COG5: variants seen among roughly 807,000 people sequenced by gnomAD.
COG5 encodes the protein component of oligomeric golgi complex 5, also known as conserved oligomeric Golgi complex subunit 5.
Under a neutral mutation model 110.4 loss-of-function variants are expected in COG5, and 86 were observed. The ratio of observed to expected loss-of-function variants is 0.78; its 90% CI spans 0.65 to 0.93. The LOEUF (loss-of-function observed/expected upper bound fraction) is 0.93, where lower values mean the gene tolerates loss of function less well. Among genes scored for constraint, COG5 ranks in the 40% least tolerant of loss-of-function variants. The probability of loss-of-function intolerance (pLI) is 0.00; values close to 1 mark genes in which losing one functional copy is unlikely to be tolerated. For missense variants in COG5, 1,077 were observed against 987.0 expected (o/e 1.09, Z -1.22); for synonymous variants, 360 against 334.6 (o/e 1.08, Z -0.83).
chr7:107,209,815 A>T (rs1799033607), intron 21 of COG5: 5 of 985,176 alleles, frequency 5.1e-6, no homozygotes, highest in Non-Finnish European at 4.8e-6. Flanking sequence ...CCAGTTTATG[A>T]GTTTACAGAA....
At chr7:107,246,386 C>A (rs1318087882) in intron 17 of COG5, among the ~76,000 whole-genome samples, 1 of 152,158 alleles carries the variant, frequency 6.6e-6, no homozygotes, top group African/African-American at 2.4e-5. Flanking sequence ...AACCTAAGAG[C>A]TTCTGCACAG....
chr7:107,449,144 G>A (rs1223476803), intron 6 of COG5, among the ~76,000 whole-genome samples: 2 of 152,008 alleles, frequency 1.3e-5, no homozygotes, highest in African/African-American at 4.8e-5. Context: ...ATGGACACAG[G>A]GAGGGGAACA....
chr7:107,308,754 G>C (rs56861253), intron 11 of COG5, among the ~76,000 whole-genome samples: 3,533 of 152,166 alleles, frequency 0.023, 75 homozygotes, highest in African/African-American at 0.048. Flanking sequence ...AATAAAAAAA[G>C]TATTTCTTTA....
At chr7:107,233,211 G>C (rs182313995) in intron 18 of COG5, among the ~76,000 whole-genome samples, 147 of 152,268 alleles carry the variant, frequency 9.7e-4, no homozygotes, top group African/African-American at 3.2e-3. Flanking sequence ...AGGGGTGGAG[G>C]GGGAGTATGT....
intron 13 of COG5, 75 bp from the exon 14 acceptor site, chr7:107,281,474 C>T: frequency 9.4e-7 from 1 of 1,065,524 alleles, no homozygotes; most frequent in Non-Finnish European, 1.5e-6. Context: ...GATAAAAACT[C>T]AAACCCAATA....
At chr7:107,309,651 G>C (rs1808041886) in intron 11 of COG5, among the ~76,000 whole-genome samples, 1 of 152,142 alleles carries the variant, frequency 6.6e-6, no homozygotes, top group Admixed American at 6.5e-5. Context: ...GAGTTTAAAA[G>C]TAAAGGCATC....
intron 3 of COG5, chr7:107,549,094 GTTCAGTTCAATAGAA>G (rs1188978521): frequency 3.3e-4 from 50 of 152,306 alleles, no homozygotes; most frequent in Non-Finnish European, 3.4e-4. Context: ...CAATAACAGA[GTTCAGTTCAATAGAA>G]TCCTCTCTGA....
intron 5 of COG5, among the ~76,000 whole-genome samples, chr7:107,536,771 T>C (rs1801614726): frequency 6.6e-6 from 1 of 152,150 alleles, no homozygotes; most frequent in African/African-American, 2.4e-5. Flanking sequence ...ACTTTAAATT[T>C]CATATGGAAC....
chr7:107,372,518 T>G, intron 8 of COG5, 77 bp downstream of exon 8: 1 of 1,367,916 alleles, frequency 7.3e-7, no homozygotes, highest in South Asian at 1.2e-5. Flanking sequence ...CTTTGAAACA[T>G]GAGTGTTTCA....
chr7:107,314,267 T>C (rs1808531580), intron 11 of COG5, among the ~76,000 whole-genome samples: 2 of 152,132 alleles, frequency 1.3e-5, no homozygotes, highest in South Asian at 2.1e-4. Context: ...TGGTAGAAAC[T>C]AGAAGGGGAC....
At chr7:107,268,046 G>C (rs891604286) in intron 14 of COG5, among the ~76,000 whole-genome samples, 1 of 152,080 alleles carries the variant, frequency 6.6e-6, no homozygotes, top group African/African-American at 2.4e-5. Flanking sequence ...TCGGCTCACC[G>C]CAACCTCTGC....
At chr7:107,351,789 A>G (rs1350277923) in intron 10 of COG5, among the ~76,000 whole-genome samples, 1 of 150,306 alleles carries the variant, frequency 6.7e-6, no homozygotes, top group Non-Finnish European at 1.5e-5. Context: ...TAGAATGGCG[A>G]TCATTAAAAA....
chr7:107,545,083 G>A (rs1299247902), intron 5 of COG5, among the ~76,000 whole-genome samples: 4 of 152,136 alleles, frequency 2.6e-5, no homozygotes, highest in African/African-American at 9.7e-5. Flanking sequence ...AAATGATCCA[G>A]TCAGAGGAAC....
At chr7:107,457,348 TAAAG>T (rs1795725401) in intron 6 of COG5, among the ~76,000 whole-genome samples, 1 of 117,630 alleles carries the variant, frequency 8.5e-6, no homozygotes, top group Non-Finnish European at 1.8e-5. Flanking sequence ...CCAAACAAAT[TAAAG>T]CTATGAGGAG....
chr7:107,454,388 C>T lies in COG5; in HGVS notation c.539-41756G>A, dbSNP rs193070106. On this transcript the variant is annotated intron_variant, in intron 6 of 21. Transcript: ENST00000297135. ...CATTACAAATCTGTTGTGTGGGGAA[C>T]GGGGGAGGAATAACTGTATTACAGG... Among the ~76,000 whole-genome samples, 117 of 152,068 alleles carry T rather than the reference C, an allele frequency of 7.7e-4. 1 individual carries two copies. Among genetic ancestry groups the T allele is most frequent in the Non-Finnish European group, 1.3e-3 (91 of 67,980 alleles).
At chr7:107,230,096 C>T (rs1800673350) in intron 19 of COG5, among the ~76,000 whole-genome samples, 1 of 152,046 alleles carries the variant, frequency 6.6e-6, no homozygotes, top group Non-Finnish European at 1.5e-5. Context: ...GATGATCCAC[C>T]TGCCTCGGCC....
At chr7:107,214,239 G>A (rs1293501346) in intron 19 of COG5, among the ~76,000 whole-genome samples, 1 of 152,080 alleles carries the variant, frequency 6.6e-6, no homozygotes, top group Non-Finnish European at 1.5e-5. Context: ...AAAAAATTGA[G>A]AGCAGCAAGA....
intron 8 of COG5, among the ~76,000 whole-genome samples, chr7:107,372,224 A>ACTC (rs1814240116): frequency 6.6e-6 from 1 of 152,248 alleles, no homozygotes; most frequent in African/African-American, 2.4e-5. Context: ...AGAAAGCTAA[A>ACTC]GTAGAGACGG....
At chr7:107,354,097 A>G (rs901275436) in intron 10 of COG5, among the ~76,000 whole-genome samples, 1 of 152,224 alleles carries the variant, frequency 6.6e-6, no homozygotes, top group African/African-American at 2.4e-5. Context: ...ACTAAGAAAT[A>G]TCATTTTCAA....
Sources: gnomAD v4.1 joint callset for allele counts (sites outside exome capture counted in the v4.1 genomes callset) on GRCh38, gnomAD v4.1.1 for gene constraint, MANE v1.5 for transcripts, NCBI Gene and HGNC (gene_info 2026-07-23, HGNC 2026-07-21) for gene names.